Variants in XPNPEP1 observed in about 807,000 individuals in gnomAD.
The protein encoded by XPNPEP1 is xaa-Pro aminopeptidase 1.
In XPNPEP1, 39 loss-of-function variants were observed where a neutral mutation model predicts 92.4. The ratio of observed to expected loss-of-function variants is 0.42; its 90% CI spans 0.33 to 0.55. The LOEUF (loss-of-function observed/expected upper bound fraction) is 0.55, where lower values mean the gene tolerates loss of function less well. Ranked by LOEUF, XPNPEP1 falls within the 20% of genes least tolerant of loss-of-function variation. The pLI, the probability that XPNPEP1 is intolerant of heterozygous loss-of-function variation, is 0.08. For synonymous variants in XPNPEP1, 307 were observed against 299.4 expected (o/e 1.03, Z -0.26); for missense variants, 654 against 856.1 (o/e 0.76, Z 2.95).
chr10:109,893,158 A>G (rs1848793464), intron 3 of XPNPEP1, 83 bp from the exon 4 acceptor site: 2 of 1,324,416 alleles, frequency 1.5e-6, no homozygotes, highest in Non-Finnish European at 1.1e-6. Flanking sequence ...TGCTAGGCTC[A>G]GCGGGGACTA....
intron 2 of XPNPEP1, among the ~76,000 whole-genome samples, chr10:109,911,394 C>T (rs184748424): frequency 5.9e-4 from 90 of 152,278 alleles, no homozygotes; most frequent in African/African-American, 2.0e-3. Context: ...TACAGGTACA[C>T]ACCACCACAT....
chr10:109,891,181 AT>A (rs1848685918), intron 5 of XPNPEP1: 1 of 152,342 alleles, frequency 6.6e-6, no homozygotes, highest in Non-Finnish European at 1.5e-5. Context: ...ACCACTTTAT[AT>A]GTTACTTACT....
rs74489258 is a variant in XPNPEP1, at chr10:109,906,412, G to C, written c.246+1279C>G. Among the ~76,000 whole-genome samples the C allele has an allele frequency of 2.0e-4, 30 of 152,240 alleles. No individual in the cohort carries two copies. In the East Asian group the frequency reaches 5.8e-3, roughly 29 times the overall value. Reference sequence around the variant, plus strand: ...ACCAGTTGGCTGAAAAAGAGAAACTGATATGCAGCAAGACCTGAAAACCCT... The same window carrying C: ...ACCAGTTGGCTGAAAAAGAGAAACTCATATGCAGCAAGACCTGAAAACCCT... On this transcript the variant is annotated intron_variant, in intron 3 of 20. Coordinates refer to ENST00000502935, the MANE Select transcript of XPNPEP1 (RefSeq NM_020383.4).
In XPNPEP1 at chr10:109,875,537, G is replaced by A; in HGVS notation, c.1382C>T (p.Ala461Val). ...LDEVYLIDSG[A>V]QYKDGTTDVT... ...GTCCTGGTTTACTTACTTGTATTGAGCACCCGAGTCAATAAGGTACACCTC... is the reference window on the plus strand; with the variant it reads ...GTCCTGGTTTACTTACTTGTATTGAACACCCGAGTCAATAAGGTACACCTC... Residue 461 changes from alanine to valine, a missense_variant, in exon 15 of 21, where the codon GCT (alanine) becomes GTT (valine). Transcript: ENST00000502935. The A allele has an allele frequency of 6.2e-7, 1 of 1,614,054 alleles. No individual in the cohort carries two copies.
chr10:109,892,772 A>T (rs1848770828), intron 4 of XPNPEP1, among the ~76,000 whole-genome samples: 1 of 152,256 alleles, frequency 6.6e-6, no homozygotes. Context: ...AAAACTTTTT[A>T]AAAATAAAAA....
intron 2 of XPNPEP1, among the ~76,000 whole-genome samples, chr10:109,912,248 G>A (rs375064438): frequency 6.6e-6 from 1 of 152,132 alleles, no homozygotes; most frequent in South Asian, 2.1e-4. Flanking sequence ...CCTTCAGGCC[G>A]ATCACATTCA....
intron 4 of XPNPEP1, among the ~76,000 whole-genome samples, chr10:109,892,061 C>A (rs1379247419): frequency 6.6e-6 from 1 of 152,046 alleles, no homozygotes; most frequent in East Asian, 1.9e-4. Flanking sequence ...GGCACTGGTC[C>A]CTGCACAAAA....
In XPNPEP1 at chr10:109,920,727, G is replaced by A. The variant is rs116614675; in HGVS notation, c.32+2675C>T. Among the ~76,000 whole-genome samples, 943 of 151,634 alleles carry A rather than the reference G, an allele frequency of 6.2e-3. 6 individuals are homozygous for A. The highest frequency in any genetic ancestry group is 0.022 in the African/African-American group (900 of 41,300). Reference sequence around the variant, plus strand: ...GATTTTTTTTTTTTAATAATTTTCTGAAGAGACAGGATCTCACCACATTGC... The same window carrying A: ...GATTTTTTTTTTTTAATAATTTTCTAAAGAGACAGGATCTCACCACATTGC... On this transcript the variant is annotated intron_variant, in intron 1 of 20. Transcript: ENST00000502935.
At position 109,865,178 on chromosome 10, in the gene XPNPEP1, T is replaced by C; in HGVS notation, c.*6A>G. 9 of 1,613,902 alleles carry C rather than the reference T, an allele frequency of 5.6e-6. No individual in the cohort carries two copies. Among genetic ancestry groups the C allele is most frequent in the Non-Finnish European group, 6.8e-6 (8 of 1,179,928 alleles). ...TTTTACAAAAACAAAACCGGGGAGG[T>C]ATTTATTAATGCTGTTTGGAGATGG... On this transcript the variant is annotated 3_prime_UTR_variant, in exon 21 of 21. Coordinates refer to ENST00000502935, the MANE Select transcript of XPNPEP1 (RefSeq NM_020383.4).
intron 9 of XPNPEP1, 28 bp downstream of exon 9, chr10:109,884,039 G>A (rs760809711): frequency 6.2e-7 from 1 of 1,603,290 alleles, no homozygotes; most frequent in South Asian, 1.1e-5. Flanking sequence ...CTCTGGAAGG[G>A]AGTTCCAGAT....
chr10:109,865,494 T>C (rs139091629), intron 20 of XPNPEP1, among the ~76,000 whole-genome samples, 182 bp from the exon 21 acceptor site: 6 of 152,344 alleles, frequency 3.9e-5, no homozygotes, highest in Non-Finnish European at 5.9e-5. Flanking sequence ...CGGAAATACA[T>C]AGGACCAGAC....
rs139653703 is a variant in XPNPEP1 at position 109,907,777 on chromosome 10, G to A, written c.160C>T (p.Arg54Trp). 4.8e-5 allele frequency: 78 copies of A among 1,614,066 alleles called. No homozygotes were observed. The highest frequency in any genetic ancestry group is 4.8e-4 in the African/African-American group (36 of 74,932). The change falls in exon 3 of 21, where the codon CGG becomes TGG. Residue 54 changes from arginine (R) to tryptophan (W), a missense_variant. Physicochemically the swap from Arg to Trp is moderately radical, Grantham distance 101 (BLOSUM62 -3). Coordinates refer to ENST00000502935, the MANE Select transcript of XPNPEP1 (RefSeq NM_020383.4). ...MPPKVTSELL[R>W]QLRQAMRNSE... ...TTCCTCATGGCTTGTCTCAGCTGCC[G>A]AAGCAGCTCTGAAGTCACCTTTGGA...
At chr10:109,865,338 G>C (rs756542977) in intron 20 of XPNPEP1, 26 bp from the exon 21 acceptor site, 51 of 1,613,534 alleles carry the variant, frequency 3.2e-5, no homozygotes, top group Admixed American at 1.0e-4. Context: ...GGACAGACAC[G>C]GTATTCACCA....
intron 5 of XPNPEP1, among the ~76,000 whole-genome samples, chr10:109,890,271 C>G (rs1338968335): frequency 4.6e-5 from 7 of 152,064 alleles, no homozygotes; most frequent in Admixed American, 2.0e-4. Context: ...TCCGTGGGCC[C>G]CAAAGAGAGA....
rs1411575135 is a variant in XPNPEP1, at chr10:109,888,085, A to G, written c.616T>C (p.Cys206Arg). Residue 206 changes from cysteine to arginine, a missense_variant, in exon 7 of 21, where the codon TGC becomes CGC. Cys to Arg is a radical substitution (Grantham distance 180). Transcript: ENST00000502935. ...KIWTDRPERP[C>R]KPLLTLGLDY... The stretch of plus-strand genomic sequence containing the variant: ...AGGCCCAGTGTGAGGAGAGGCTTGC[A>G]AGGGCGCTCAGGACGGTCTGTCCAG... 1 of 1,613,962 alleles carries G rather than the reference A, an allele frequency of 6.2e-7. No individual in the cohort carries two copies. The highest frequency in any genetic ancestry group is 8.5e-7 in the Non-Finnish European group (1 of 1,180,018).
At chr10:109,871,953 G>A in intron 16 of XPNPEP1, 92 bp from the exon 17 acceptor site, 1 of 1,289,566 alleles carries the variant, frequency 7.8e-7, no homozygotes, top group Non-Finnish European at 1.1e-6. Flanking sequence ...GCCTGCTAAA[G>A]TTTTTAGCAA....
intron 1 of XPNPEP1, among the ~76,000 whole-genome samples, chr10:109,920,000 C>G (rs1850446283): frequency 6.6e-6 from 1 of 151,720 alleles, no homozygotes; most frequent in African/African-American, 2.4e-5. Context: ...CCACTGCACT[C>G]CAGCCTGGCA....
rs565653293 is a variant in XPNPEP1, at chr10:109,890,185, A to G, written c.415+1537T>C. On this transcript the variant is annotated intron_variant, in intron 5 of 20. Transcript: ENST00000502935. ...CCCTCTGCCACCCCCTTGCTGCCAC[A>G]TACCTACATTAAGGAACAGGCAGGC... 6.6e-5 allele frequency among the ~76,000 whole-genome samples: 10 copies of G among 152,260 alleles called. No homozygotes were observed. In the South Asian group the frequency reaches 2.1e-3, roughly 32 times the overall value.
At chr10:109,875,160 A>G (rs1847710116) in intron 15 of XPNPEP1, among the ~76,000 whole-genome samples, 1 of 152,158 alleles carries the variant, frequency 6.6e-6, no homozygotes, top group African/African-American at 2.4e-5. Flanking sequence ...TTCAAAATTA[A>G]TCCCTTACTT....
Sources: allele counts gnomAD v4.1 joint callset (sites outside exome capture counted in the v4.1 genomes callset), GRCh38; gene constraint gnomAD v4.1.1; transcripts MANE v1.5; gene names NCBI Gene and HGNC (gene_info 2026-07-23, HGNC 2026-07-21).